UNC80: variants seen among roughly 807,000 people sequenced by gnomAD.
UNC80 encodes unc-80 subunit of NALCN channel complex, also known as protein unc-80 homolog.
In UNC80, 164 loss-of-function variants were observed where a neutral mutation model predicts 384.6. That is an observed-to-expected ratio of 0.43 (90% CI 0.38 to 0.49). UNC80 has a LOEUF of 0.49. UNC80 is among the 20% of genes least tolerant of loss of function. The pLI is 0.00. For missense variants in UNC80, 3,330 were observed against 4,143.0 expected, an observed-to-expected ratio of 0.80 and a Z score of 5.39; for synonymous variants, 1,486 against 1,527.8, an observed-to-expected ratio of 0.97 and a Z score of 0.64.
rs2081576671 is a variant in UNC80 at position 209,839,391 on chromosome 2, C to T, written c.3211C>T (p.Arg1071Cys). ...TSDRRARSRSRRISLRKKLKL... is the reference protein window; with the variant it reads ...TSDRRARSRSCRISLRKKLKL... ...TGACCGACGTGCCCGCTCACGATCC[C>T]GCAGAATTTCCCTCCGAAAGAAGCT... The change falls in exon 19 of 65, where the codon CGC becomes TGC. Residue 1071 changes from arginine (R) to cysteine (C), a missense_variant. Transcript: ENST00000673920. This position sits in a 1 kb window ranked among gnomAD's most constrained non-coding sequence, Gnocchi z 4.1. The T allele has an allele frequency of 1.5e-5, 23 of 1,552,020 alleles. No homozygotes were observed. The highest frequency in any genetic ancestry group is 1.1e-4 in the South Asian group (9 of 84,056).
At chr2:209,809,301 C>G (rs1015612436) in intron 7 of UNC80, 1 of 758,146 alleles carries the variant, frequency 1.3e-6, no homozygotes, top group Non-Finnish European at 2.5e-6. Context: ...TCAAGAAACA[C>G]ATCCGAAGCC....
intron 5 of UNC80, among the ~76,000 whole-genome samples, chr2:209,786,877 A>G (rs1574438287): frequency 6.6e-6 from 1 of 151,640 alleles, no homozygotes; most frequent in African/African-American, 2.4e-5. Flanking sequence ...TGCCTGCTTT[A>G]TAGTAAGTGC....
chr2:209,959,751 GC>G, intron 51 of UNC80, 44 bp downstream of exon 51: 1 of 1,527,244 alleles, frequency 6.5e-7, no homozygotes, highest in Non-Finnish European at 8.9e-7. Flanking sequence ...ACACAGCTTG[GC>G]CCATGTGTCT....
intron 7 of UNC80, among the ~76,000 whole-genome samples, chr2:209,807,953 CTCTT>C (rs2079013406): frequency 1.3e-5 from 2 of 152,074 alleles, no homozygotes; most frequent in African/African-American, 4.8e-5. Context: ...CAAATGGAGT[CTCTT>C]TCAATATCAA....
Position 209,840,772 on chromosome 2 carries a change from G to A in UNC80, c.3357+124G>A, listed in dbSNP as rs116788054. 3,023 of 733,630 alleles carry A rather than the reference G, an allele frequency of 4.1e-3. 71 individuals carry two copies. In the African/African-American group the frequency reaches 0.044, roughly 11 times the overall value. The allele number at this position is 733,630 out of a possible 1,614,324, so 45.4% of individuals were successfully genotyped here. On this transcript the variant is annotated intron_variant, in intron 20 of 64. Coordinates refer to ENST00000673920, the MANE Select transcript of UNC80 (RefSeq NM_001371986.1). Reference sequence around the variant, plus strand: ...AAAGCTGAAGAAACTCTCCAGATGAGCTAACTTTGGAAACTTAGATAAGCA... The same window carrying A: ...AAAGCTGAAGAAACTCTCCAGATGAACTAACTTTGGAAACTTAGATAAGCA...
chr2:209,841,824 G>C (rs567916809), intron 20 of UNC80, among the ~76,000 whole-genome samples: 6 of 152,244 alleles, frequency 3.9e-5, no homozygotes, highest in Admixed American at 2.0e-4. Flanking sequence ...CTTCCTTGCT[G>C]TGCGAAAAAT....
intron 51 of UNC80, among the ~76,000 whole-genome samples, chr2:209,964,133 T>C (rs1186384733): frequency 6.6e-6 from 1 of 152,214 alleles, no homozygotes; most frequent in Non-Finnish European, 1.5e-5. Context: ...CACTCTTCAG[T>C]TCTCTTGGAG....
At chr2:209,890,218 A>G (rs1357853546) in intron 26 of UNC80, among the ~76,000 whole-genome samples, 2 of 152,174 alleles carry the variant, frequency 1.3e-5, no homozygotes, top group Admixed American at 1.3e-4. Flanking sequence ...TATGTGTGAT[A>G]ATGTCCTCTG....
At chr2:209,809,168 C>T (rs1338329047) in intron 7 of UNC80, 3 of 628,588 alleles carry the variant, frequency 4.8e-6, no homozygotes, top group Non-Finnish European at 2.9e-6. Context: ...GCCGATACCA[C>T]CTTCCCAGGC....
At chr2:209,824,586 CT>C (rs1264525223) in intron 13 of UNC80, among the ~76,000 whole-genome samples, 1 of 152,072 alleles carries the variant, frequency 6.6e-6, no homozygotes, top group African/African-American at 2.4e-5. Context: ...AGCTCTCTAG[CT>C]GTGGCCTTCA....
chr2:209,902,569 A>T (rs1283953882), intron 28 of UNC80, among the ~76,000 whole-genome samples: 2 of 152,196 alleles, frequency 1.3e-5, no homozygotes, highest in Non-Finnish European at 2.9e-5. Flanking sequence ...AAATTGCCAC[A>T]GCCACCCCAA....
intron 54 of UNC80, 31 bp downstream of exon 54, chr2:209,970,988 A>G: frequency 6.5e-7 from 1 of 1,539,888 alleles, no homozygotes; most frequent in Non-Finnish European, 8.8e-7. Context: ...TGTCACGCTC[A>G]TTAAGTTGCT....
intron 61 of UNC80, among the ~76,000 whole-genome samples, chr2:209,990,711 G>A (rs539672122): frequency 6.6e-6 from 1 of 152,202 alleles, no homozygotes; most frequent in African/African-American, 2.4e-5. Context: ...GTTCCTTTGG[G>A]GTAATTTTCT....
chr2:209,918,708 A>G (rs1410596943), intron 33 of UNC80, 45 bp downstream of exon 33: 2 of 1,473,260 alleles, frequency 1.4e-6, no homozygotes, highest in African/African-American at 1.4e-5. Context: ...CGTGTAAAAG[A>G]GAACAATTAA....
chr2:209,872,669 C>A lies in UNC80; in HGVS notation c.3628-89C>A. The A allele has an allele frequency of 8.1e-7, 1 of 1,230,248 alleles. No individual in the cohort carries two copies. Among genetic ancestry groups the A allele is most frequent in the Non-Finnish European group, 1.2e-6 (1 of 863,828 alleles). The allele number at this position is 1,230,248 out of a possible 1,614,324, so 76.2% of individuals were successfully genotyped here. ...ATCAAAACATGAAGAGGAAAATAAACTAAAAATACACAGTAATTCCCTTTA... is the reference window on the plus strand; with the variant it reads ...ATCAAAACATGAAGAGGAAAATAAAATAAAAATACACAGTAATTCCCTTTA... On this transcript the variant is annotated intron_variant, in intron 22 of 64. Transcript: ENST00000673920. The surrounding 1 kb of genome is among the most constrained non-coding windows in gnomAD (Gnocchi z 4.1).
chr2:209,840,222 A>T (rs968568012), intron 19 of UNC80, among the ~76,000 whole-genome samples: 2 of 152,216 alleles, frequency 1.3e-5, no homozygotes, highest in African/African-American at 4.8e-5. Flanking sequence ...GGTGGTGGCC[A>T]TGTAGGCAGA....
chr2:209,942,620 C>G (rs1010494659), intron 44 of UNC80, among the ~76,000 whole-genome samples: 5 of 152,110 alleles, frequency 3.3e-5, no homozygotes, highest in African/African-American at 1.2e-4. Context: ...GTTAAGTTTG[C>G]TCAACCTATG....
At chr2:209,982,649 T>C in intron 60 of UNC80, 1 of 192,760 alleles carries the variant, frequency 5.2e-6, no homozygotes, top group Non-Finnish European at 1.1e-5. Context: ...TTGGCAAGAG[T>C]TTGGACCATC....
chr2:209,772,231 C>CGCCGCT (rs1166567580), intron 1 of UNC80, 67 bp downstream of exon 1: 18 of 888,658 alleles, frequency 2.0e-5, no homozygotes, highest in Middle Eastern at 8.4e-4. Flanking sequence ...CCGCCCGGGT[C>CGCCGCT]GCCGCTGCCG....
Sources: gnomAD v4.1 joint callset for allele counts (sites outside exome capture counted in the v4.1 genomes callset) on GRCh38, gnomAD v4.1.1 for gene constraint, Gnocchi (gnomAD v3.1) non-coding constraint, MANE v1.5 for transcripts, NCBI Gene and HGNC (gene_info 2026-07-23, HGNC 2026-07-21) for gene names.